Variants in MDN1 observed in about 807,000 individuals in gnomAD.
MDN1 encodes midasin AAA ATPase 1, also known as midasin.
In MDN1, 266 loss-of-function variants were observed where a neutral mutation model predicts 669.2. The observed-to-expected ratio is 0.40, with a 90% CI of 0.36 to 0.44. The LOEUF is 0.44. Among genes scored for constraint, MDN1 ranks in the 20% least tolerant of loss-of-function variants. MDN1 has a pLI of 1.00. For synonymous variants in MDN1, 2,385 were observed against 2,457.1 expected, an observed-to-expected ratio of 0.97 and a Z score of 0.87; for missense variants, 5,940 against 6,754.0, an observed-to-expected ratio of 0.88 and a Z score of 4.22.
At chr6:89,699,966 T>C in intron 57 of MDN1, 97 bp downstream of exon 57, 1 of 1,232,740 alleles carries the variant, frequency 8.1e-7, no homozygotes, top group Non-Finnish European at 1.1e-6. Flanking sequence ...TCGGTAACCA[T>C]CCCTATCAAG....
rs377299632 is a variant in MDN1, at chr6:89,776,908, T to C, written c.1726-213A>G. 2.4e-3 allele frequency among the ~76,000 whole-genome samples: 358 copies of C among 152,180 alleles called. 2 individuals are homozygous for C. Among genetic ancestry groups the C allele is most frequent in the Middle Eastern group, 6.8e-3 (2 of 294 alleles). ...ACCAATAAATATAAATAATTGACTA[T>C]TGAAATACTTGCCAAATAAAAAAAA... On this transcript the variant is annotated intron_variant, in intron 11 of 101. Coordinates refer to ENST00000369393, the MANE Select transcript of MDN1 (RefSeq NM_014611.3).
rs781722709 is a variant in MDN1 at position 89,692,580 on chromosome 6, G to A, written c.10450C>T (p.Leu3484=). The A allele has an allele frequency of 2.5e-6, 4 of 1,614,254 alleles. No homozygotes were observed. In the Admixed American group the frequency reaches 6.7e-5, roughly 27 times the overall value. The part of the protein sequence containing the change: ...LILKRSGGKE[L]EGKGQKACPT... ...CAGGCTTTCTGGCCCTTGCCTTCCA[G>A]CTCCTTTCCTCCTGAGCGCTTGAGG... is the stretch of plus-strand genomic sequence containing the variant. The change falls in exon 63 of 102, where the codon CTG becomes TTG. Residue 3484 remains leucine (L), a synonymous_variant. Coordinates refer to ENST00000369393, the MANE Select transcript of MDN1 (RefSeq NM_014611.3).
At chr6:89,656,040 C>A in intron 91 of MDN1, 72 bp from the exon 92 acceptor site, 1 of 1,339,726 alleles carries the variant, frequency 7.5e-7, no homozygotes, top group Admixed American at 1.9e-5. Flanking sequence ...ACATAATATC[C>A]ATCTATAGGG....
chr6:89,665,313 G>A (rs971875150), intron 84 of MDN1, among the ~76,000 whole-genome samples: 4 of 152,090 alleles, frequency 2.6e-5, no homozygotes, highest in Non-Finnish European at 4.4e-5. Context: ...AGGTGTGAGC[G>A]ACTGAGCCCA....
chr6:89,674,514 A>AG lies in MDN1; in HGVS notation c.12836dup (p.Gln4280SerfsTer23). Reference sequence around the variant, plus strand: ...CTGTCCACTGCTGCACGCCATCCTGAGGGGGGAAGGCCACGGGGTAGGCCT... The same window carrying AG: ...CTGTCCACTGCTGCACGCCATCCTGAGGGGGGGAAGGCCACGGGGTAGGCCT... On this transcript the variant is annotated frameshift_variant, in exon 79 of 102. Coordinates refer to ENST00000369393, the MANE Select transcript of MDN1 (RefSeq NM_014611.3). LOFTEE classifies it high-confidence loss of function. The AG allele has an allele frequency of 6.2e-7, 1 of 1,609,514 alleles. No individual in the cohort carries two copies.
chr6:89,767,090 T>G (rs1817836767), intron 15 of MDN1, among the ~76,000 whole-genome samples: 1 of 152,144 alleles, frequency 6.6e-6, no homozygotes, highest in Admixed American at 6.5e-5. Flanking sequence ...CTTTCTGGAG[T>G]GATTTTATCT....
intron 82 of MDN1, among the ~76,000 whole-genome samples, chr6:89,671,484 C>T (rs1810754691): frequency 6.6e-6 from 1 of 151,832 alleles, no homozygotes; most frequent in South Asian, 2.1e-4. Flanking sequence ...ACAAAAAATA[C>T]CAAACAAAAA....
intron 42 of MDN1, 67 bp downstream of exon 42, chr6:89,718,700 G>C: frequency 3.1e-6 from 5 of 1,607,200 alleles, no homozygotes; most frequent in Non-Finnish European, 4.3e-6. Flanking sequence ...CACCAACTCA[G>C]AAGACTCTCA....
At chr6:89,782,840 G>A (rs1363912571) in intron 9 of MDN1, among the ~76,000 whole-genome samples, 1 of 152,048 alleles carries the variant, frequency 6.6e-6, no homozygotes, top group African/African-American at 2.4e-5. Context: ...CCAAATGGAG[G>A]GACCAGCTGG....
In MDN1 at chr6:89,732,567, T is replaced by C. The variant is rs1184006632; in HGVS notation, c.4932A>G (p.Gly1644=). ...VHAACLVYID[G]IGSGVTSSGF... is the part of the protein sequence containing the mutation. ...TACCAGACAACATACCTGAACCTAT[T>C]CCATCTATGTACACCAGGCATGCAG... Residue 1644 remains glycine, a synonymous_variant, in exon 34 of 102, where the codon GGA becomes GGG. Coordinates refer to ENST00000369393, the MANE Select transcript of MDN1 (RefSeq NM_014611.3). The C allele has an allele frequency of 1.2e-6, 2 of 1,614,008 alleles. No individual in the cohort carries two copies. Among genetic ancestry groups the C allele is most frequent in the African/African-American group, 2.7e-5 (2 of 74,930 alleles).
At chr6:89,657,969 C>T (rs772553658) in intron 90 of MDN1, among the ~76,000 whole-genome samples, 30 of 152,174 alleles carry the variant, frequency 2.0e-4, no homozygotes, top group Non-Finnish European at 3.4e-4. Context: ...CTATGGTGTT[C>T]GCACAATGAC....
intron 2 of MDN1, 63 bp from the exon 3 acceptor site, chr6:89,794,864 T>C: frequency 7.5e-7 from 1 of 1,337,282 alleles, no homozygotes; most frequent in Non-Finnish European, 1.1e-6. Context: ...TTTTTCTGCT[T>C]TGTAATAGGT....
At chr6:89,667,041 TA>T (rs1209106035) in intron 84 of MDN1, among the ~76,000 whole-genome samples, 3 of 152,250 alleles carry the variant, frequency 2.0e-5, no homozygotes, top group African/African-American at 7.2e-5. Context: ...CTAGCATTTC[TA>T]TAAGAAAACA....
intron 33 of MDN1, among the ~76,000 whole-genome samples, chr6:89,733,759 C>T (rs1815754514): frequency 6.6e-6 from 1 of 151,584 alleles, no homozygotes; most frequent in Non-Finnish European, 1.5e-5. Flanking sequence ...CTTAGATCTA[C>T]ACTTCAGAGA....
intron 77 of MDN1, among the ~76,000 whole-genome samples, 155 bp downstream of exon 77, chr6:89,675,947 A>G (rs1811148147): frequency 6.6e-6 from 1 of 152,228 alleles, no homozygotes; most frequent in Admixed American, 6.5e-5. Flanking sequence ...ACAAAATTAC[A>G]TTGATTTATA....
Position 89,673,374 on chromosome 6 carries a change from G to C in MDN1, c.13336C>G (p.Pro4446Ala), listed in dbSNP as rs1203698482. The C allele has an allele frequency of 6.2e-7, 1 of 1,614,114 alleles. No individual in the cohort carries two copies. Among genetic ancestry groups the C allele is most frequent in the South Asian group, 1.1e-5 (1 of 91,082 alleles). Residue 4446 changes from proline to alanine, a missense_variant, in exon 80 of 102, where the codon CCA becomes GCA. Transcript: ENST00000369393. ...TCTCTTTGCTCAACCTCCATCCCTGGAAGAATGAACAAGGACTCTAGGCCC... is the reference window on the plus strand; with the variant it reads ...TCTCTTTGCTCAACCTCCATCCCTGCAAGAATGAACAAGGACTCTAGGCCC... ...LQGLESLFIL[P>A]GMEVEQRDSQ...
chr6:89,689,876 G>T lies in MDN1; in HGVS notation c.11017C>A (p.Leu3673Met), dbSNP rs373904969. The T allele has an allele frequency of 8.1e-6, 13 of 1,613,862 alleles. No individual in the cohort carries two copies. The African/African-American group carries it at 1.3e-4, about 17-fold the overall frequency. Reference protein sequence around the residue: ...GASLVTHFYPLMGVELNDRLL... With the variant: ...GASLVTHFYPMMGVELNDRLL... Reference sequence around the variant, plus strand: ...CAAAAGTAAACTACCATACCCATCAGGGGGTAGAAGTGTGTCACAAGCGAT... The same window carrying T: ...CAAAAGTAAACTACCATACCCATCATGGGGTAGAAGTGTGTCACAAGCGAT... Residue 3673 changes from leucine (L) to methionine (M), a missense_variant, in exon 65 of 102, where the codon CTG (leucine) becomes ATG (methionine). Transcript: ENST00000369393.
chr6:89,649,891 G>T, intron 97 of MDN1, 133 bp downstream of exon 97: 1 of 934,094 alleles, frequency 1.1e-6, no homozygotes, highest in Non-Finnish European at 1.6e-6. Context: ...AGGCCTAACA[G>T]GTATTTCAAA....
Position 89,674,285 on chromosome 6 carries a change from G to A in MDN1, c.13066C>T (p.Leu4356=). The A allele has an allele frequency of 6.2e-7, 1 of 1,614,258 alleles. No individual in the cohort carries two copies. The change falls in exon 79 of 102, where the codon CTG becomes TTG. Residue 4356 remains leucine, a synonymous_variant. Coordinates refer to ENST00000369393, the MANE Select transcript of MDN1 (RefSeq NM_014611.3). The part of the protein sequence containing the change: ...GVVLDLIPSN[L]SYPSPIPGSQ... Reference sequence around the variant, plus strand: ...CCAGGTATTGGAGATGGGTAGCTCAGATTGGAAGGAATTAGGTCCAGCACT... The same window carrying A: ...CCAGGTATTGGAGATGGGTAGCTCAAATTGGAAGGAATTAGGTCCAGCACT...
Sources: gnomAD v4.1 joint callset for allele counts (sites outside exome capture counted in the v4.1 genomes callset) on GRCh38, gnomAD v4.1.1 for gene constraint, MANE v1.5 for transcripts, NCBI Gene and HGNC (gene_info 2026-07-23, HGNC 2026-07-21) for gene names.